Variants in PMFBP1 observed in about 807,000 individuals in gnomAD.
PMFBP1 encodes the protein polyamine modulated factor 1 binding protein 1, also known as polyamine-modulated factor 1-binding protein 1.
In PMFBP1, 131 loss-of-function variants were observed where a neutral mutation model predicts 137.8. That is an observed-to-expected ratio of 0.95 (90% confidence interval 0.82 to 1.10). The LOEUF (loss-of-function observed/expected upper bound fraction) is 1.10. PMFBP1 is among the 50% of genes least tolerant of loss of function. The probability of loss-of-function intolerance (pLI) is 0.00; values close to 1 mark genes in which losing one functional copy is unlikely to be tolerated. For missense variants in PMFBP1, 1,199 were observed against 1,175.4 expected (o/e 1.02, Z -0.29); for synonymous variants, 490 against 450.4 (o/e 1.09, Z -1.11).
chr16:72,169,624 T>A (rs2043192974), intron 2 of PMFBP1, among the ~76,000 whole-genome samples: 1 of 151,274 alleles, frequency 6.6e-6, no homozygotes, highest in Non-Finnish European at 1.5e-5. Flanking sequence ...TAAAGTATAA[T>A]AAAAAAGATT....
the PMFBP1 span, among the ~76,000 whole-genome samples, chr16:72,232,767 C>G: frequency 2.0e-5 from 3 of 152,068 alleles, no homozygotes; most frequent in Non-Finnish European, 2.9e-5. Flanking sequence ...AGGGAGACAG[C>G]CTTTAAGCAG....
chr16:72,203,250 TAGC>T, the PMFBP1 span, among the ~76,000 whole-genome samples: 34 of 152,270 alleles, frequency 2.2e-4, no homozygotes, highest in Non-Finnish European at 4.1e-4. Flanking sequence ...TTTCTGCTTT[TAGC>T]AGAAAATATC....
At chr16:72,199,584 G>A in the PMFBP1 span, among the ~76,000 whole-genome samples, 1 of 150,330 alleles carries the variant, frequency 6.7e-6, no homozygotes, top group African/African-American at 2.5e-5. Context: ...AACCTGGGAG[G>A]TGGAAGTTGC....
chr16:72,197,339 C>A, the PMFBP1 span, among the ~76,000 whole-genome samples: 2 of 152,132 alleles, frequency 1.3e-5, no homozygotes, highest in African/African-American at 4.8e-5. Flanking sequence ...AGCCAGGAGG[C>A]CTTGTTAGCA....
rs572292188 is a variant in PMFBP1, at chr16:72,154,460, C to G, written c.166-1G>C. 6.2e-7 allele frequency: 1 copy of G among 1,613,550 alleles called. No homozygotes were observed. The highest frequency in any genetic ancestry group is 1.3e-5 in the African/African-American group (1 of 75,000). ...CTAATGCCTGTGCTTGCTTCTTGTC[C>G]TACCATAGAGACAGGATATACAAAA... On this transcript the variant is annotated splice_acceptor_variant, in intron 3 of 20. Coordinates refer to ENST00000237353, the MANE Select transcript of PMFBP1 (RefSeq NM_031293.3). LOFTEE classifies it high-confidence loss of function.
chr16:72,142,450 A>T (rs2042737685), intron 5 of PMFBP1, among the ~76,000 whole-genome samples: 1 of 152,242 alleles, frequency 6.6e-6, no homozygotes, highest in African/African-American at 2.4e-5. Context: ...TAAAATAGGT[A>T]AACTATGAAA....
the PMFBP1 span, among the ~76,000 whole-genome samples, chr16:72,241,542 TTTGA>T: frequency 6.6e-6 from 1 of 152,212 alleles, no homozygotes; most frequent in Non-Finnish European, 1.5e-5. Context: ...TGCAAGAATA[TTTGA>T]TTGGCCTTTG....
At chr16:72,246,333 C>G in the PMFBP1 span, among the ~76,000 whole-genome samples, 1 of 152,080 alleles carries the variant, frequency 6.6e-6, no homozygotes, top group African/African-American at 2.4e-5. Context: ...CAGCCTAGGT[C>G]CTCTATTTCT....
At position 72,139,282 on chromosome 16, in the gene PMFBP1, C is replaced by T; in HGVS notation, c.918+7G>A. 6.2e-7 allele frequency: 1 copy of T among 1,606,858 alleles called. No individual in the cohort carries two copies. Among genetic ancestry groups the T allele is most frequent in the Non-Finnish European group, 8.5e-7 (1 of 1,173,546 alleles). On this transcript the variant is annotated splice_region_variant and intron_variant, in intron 7 of 20. Transcript: ENST00000237353. The stretch of plus-strand genomic sequence containing the variant: ...CCAGTAGGCACAGATCAGCAAATTT[C>T]TCCCACCTTTTTGATGTCTTCACAC...
At chr16:72,214,200 G>A in the PMFBP1 span, among the ~76,000 whole-genome samples, 1 of 147,248 alleles carries the variant, frequency 6.8e-6, no homozygotes, top group Non-Finnish European at 1.5e-5. Flanking sequence ...TTCATTATAA[G>A]TTTTTTTTTT....
In PMFBP1 at chr16:72,150,638, C is replaced by A; in HGVS notation, c.606G>T (p.Leu202Phe). 1.9e-6 allele frequency: 3 copies of A among 1,613,644 alleles called. No homozygotes were observed. Among genetic ancestry groups the A allele is most frequent in the Non-Finnish European group, 1.7e-6 (2 of 1,180,026 alleles). The stretch of plus-strand genomic sequence containing the variant: ...CCATGATCCCGCCGAGTTCCCCCTG[C>A]AACATCTTCACTTGGCATTCTAGTA... Reference protein sequence around the residue: ...IELLECQVKMLQGELGGIMGQ... With the variant: ...IELLECQVKMFQGELGGIMGQ... The change falls in exon 5 of 21, where the codon TTG becomes TTT. Residue 202 changes from leucine to phenylalanine, a missense_variant. Physicochemically the swap from Leu to Phe is conservative, Grantham distance 22. Transcript: ENST00000237353.
intron 5 of PMFBP1, among the ~76,000 whole-genome samples, chr16:72,145,422 A>G (rs569472105): frequency 1.3e-4 from 20 of 152,352 alleles, no homozygotes; most frequent in Admixed American, 4.6e-4. Flanking sequence ...CCCACAAGAG[A>G]AAGCAAGAAA....
At chr16:72,213,201 G>GC in the PMFBP1 span, among the ~76,000 whole-genome samples, 748 of 151,246 alleles carry the variant, frequency 4.9e-3, 5 homozygotes, top group African/African-American at 0.017. Context: ...AGAGCCCGGG[G>GC]GGGGGTGGGG....
intron 2 of PMFBP1, among the ~76,000 whole-genome samples, chr16:72,165,304 T>G (rs1479873902): frequency 3.9e-5 from 6 of 152,200 alleles, no homozygotes; most frequent in African/African-American, 1.4e-4. Context: ...ACAAGTATAG[T>G]GAATCCATGA....
At position 72,172,106 on chromosome 16, in the gene PMFBP1, C is replaced by G. The variant is rs2043227905; in HGVS notation, c.-113G>C. ...CTATCAAAATACTCATCCTTTGTAACAAACCACATCCCCTATCCCTAATAT... is the reference window on the plus strand; with the variant it reads ...CTATCAAAATACTCATCCTTTGTAAGAAACCACATCCCCTATCCCTAATAT... On this transcript the variant is annotated 5_prime_UTR_variant, in exon 1 of 21. Coordinates refer to ENST00000237353, the MANE Select transcript of PMFBP1 (RefSeq NM_031293.3). 1 of 152,290 alleles carries G rather than the reference C, an allele frequency of 6.6e-6. No individual in the cohort carries two copies. The highest frequency in any genetic ancestry group is 2.4e-5 in the African/African-American group (1 of 41,552). The allele number at this position is 152,290 out of a possible 1,614,324, so 9.4% of individuals were successfully genotyped here.
intron 2 of PMFBP1, among the ~76,000 whole-genome samples, chr16:72,167,486 CTT>C (rs1223872798): frequency 6.6e-6 from 1 of 152,182 alleles, no homozygotes; most frequent in Non-Finnish European, 1.5e-5. Context: ...TGGGGACTCT[CTT>C]AAGACAATAT....
intron 6 of PMFBP1, 38 bp from the exon 7 acceptor site, chr16:72,139,437 A>G (rs1313354573): frequency 5.6e-6 from 8 of 1,432,544 alleles, no homozygotes; most frequent in Non-Finnish European, 6.9e-6. Flanking sequence ...TGGATGATCA[A>G]TGGAACGTGC....
chr16:72,142,826 A>T (rs1457236140), intron 5 of PMFBP1, among the ~76,000 whole-genome samples: 1 of 152,236 alleles, frequency 6.6e-6, no homozygotes, highest in Non-Finnish European at 1.5e-5. Flanking sequence ...GCAGAGATTT[A>T]AAAGAAGGTG....
the PMFBP1 span, among the ~76,000 whole-genome samples, chr16:72,242,918 C>T: frequency 1.3e-5 from 2 of 152,140 alleles, no homozygotes; most frequent in African/African-American, 2.4e-5. Context: ...AGGAGAGCGA[C>T]GAAGGCGTTC....
Sources: allele counts gnomAD v4.1 joint callset (sites outside exome capture counted in the v4.1 genomes callset), GRCh38; gene constraint gnomAD v4.1.1; transcripts MANE v1.5; gene names NCBI Gene and HGNC (gene_info 2026-07-23, HGNC 2026-07-21).